FREM1: variants seen among roughly 807,000 people sequenced by gnomAD.
The protein encoded by FREM1 is FRAS1 related extracellular matrix 1, also known as FRAS1-related extracellular matrix protein 1.
FREM1 carries 220 observed loss-of-function variants against 210.1 expected under a neutral mutation model. That is an observed-to-expected ratio of 1.05 (90% CI 0.94 to 1.17). The LOEUF is 1.17. FREM1 is among the 50% of genes most tolerant of loss of function. The pLI is 0.00. For synonymous variants in FREM1, 1,189 were observed against 980.2 expected (o/e 1.21, Z -3.98); for missense variants, 3,454 against 2,675.5 (o/e 1.29, Z -6.42).
At chr9:14,820,025 C>T (rs1365127060) in intron 13 of FREM1, among the ~76,000 whole-genome samples, 2 of 152,150 alleles carry the variant, frequency 1.3e-5, no homozygotes, top group Non-Finnish European at 2.9e-5. Context: ...AATATTAAAG[C>T]CACAAAGATA....
intron 4 of FREM1, 95 bp downstream of exon 4, chr9:14,859,088 T>C: frequency 9.7e-7 from 1 of 1,028,316 alleles, no homozygotes; most frequent in Non-Finnish European, 1.4e-6. Flanking sequence ...AAATGACTAG[T>C]TAACTAGAAC....
chr9:14,800,979 G>C (rs898898736), intron 20 of FREM1, among the ~76,000 whole-genome samples: 4 of 151,946 alleles, frequency 2.6e-5, no homozygotes, highest in Non-Finnish European at 4.4e-5. Flanking sequence ...TTGTGAAATG[G>C]GTTTATTTTG....
At chr9:14,867,908 A>C (rs1434268239) in intron 2 of FREM1, among the ~76,000 whole-genome samples, 3 of 152,218 alleles carry the variant, frequency 2.0e-5, no homozygotes, top group East Asian at 3.9e-4. Context: ...AAACAGTGTT[A>C]GAGAATATAG....
intron 28 of FREM1, among the ~76,000 whole-genome samples, chr9:14,757,973 T>C (rs1052991653): frequency 2.6e-5 from 4 of 152,232 alleles, no homozygotes; most frequent in African/African-American, 9.6e-5. Context: ...TGCATGGTTC[T>C]TGCATGTCCA....
intron 13 of FREM1, among the ~76,000 whole-genome samples, chr9:14,820,267 G>T (rs1273654462): frequency 6.6e-6 from 1 of 152,152 alleles, no homozygotes; most frequent in East Asian, 1.9e-4. Context: ...TGCTAACTTT[G>T]TTTAACCTAT....
chr9:14,853,713 C>T (rs1474927690), intron 5 of FREM1, among the ~76,000 whole-genome samples: 1 of 152,172 alleles, frequency 6.6e-6, no homozygotes, highest in Non-Finnish European at 1.5e-5. Context: ...ACAATCAACC[C>T]CTTCCCTTCC....
chr9:14,777,176 A>G (rs919499719), intron 24 of FREM1, among the ~76,000 whole-genome samples: 1 of 152,260 alleles, frequency 6.6e-6, no homozygotes, highest in Non-Finnish European at 1.5e-5. Flanking sequence ...TGAGACAAGC[A>G]AAATCTTTCT....
chr9:14,884,994 G>A (rs1301947523), intron 1 of FREM1, among the ~76,000 whole-genome samples: 5 of 117,502 alleles, frequency 4.3e-5, no homozygotes, highest in African/African-American at 7.5e-5. Flanking sequence ...GTGCGATCTC[G>A]GCTCACTGCA....
chr9:14,750,556 C>A (rs1018869983), intron 29 of FREM1, among the ~76,000 whole-genome samples: 3 of 152,126 alleles, frequency 2.0e-5, no homozygotes, highest in Admixed American at 2.0e-4. Flanking sequence ...TAGATGAGAT[C>A]CAAGACTTAA....
chr9:14,867,265 A>G (rs537489990), intron 2 of FREM1, among the ~76,000 whole-genome samples: 49 of 152,300 alleles, frequency 3.2e-4, no homozygotes, highest in African/African-American at 1.2e-3. Context: ...GGGTTCTAGT[A>G]TGAGCAATCC....
chr9:14,853,721 T>A (rs1828184568), intron 5 of FREM1, among the ~76,000 whole-genome samples: 1 of 152,174 alleles, frequency 6.6e-6, no homozygotes, highest in Admixed American at 6.5e-5. Flanking sequence ...CCCCTTCCCT[T>A]CCCACTGCAT....
Position 14,884,645 on chromosome 9 carries a change from C to A in FREM1, c.-267-15401G>T, listed in dbSNP as rs971530937. Among the ~76,000 whole-genome samples the A allele has an allele frequency of 2.6e-5, 4 of 152,176 alleles. No homozygotes were observed. The South Asian group carries it at 8.3e-4, about 32-fold the overall frequency. The stretch of plus-strand genomic sequence containing the variant: ...TACACATTCAGCTTAACTATATGAG[C>A]ATGTATTCTTCATGTTGATATAAAC... On this transcript the variant is annotated intron_variant, in intron 1 of 36. Coordinates refer to ENST00000380880, the MANE Select transcript of FREM1 (RefSeq NM_001379081.2).
rs964804129 is a variant in FREM1 at position 14,740,228 on chromosome 9, C to A, written c.6261G>T (p.Leu2087=). ...TGGAGAATACAGTTACAAGGTTGCC[C>A]AGGTATCTAAATGCAAATGAAAATG... The part of the protein sequence containing the change: ...AAAQACREQY[L]GNLVTVFSRQ... Residue 2087 remains leucine, a synonymous_variant, in exon 36 of 37, where the codon CTG becomes CTT. Coordinates refer to ENST00000380880, the MANE Select transcript of FREM1 (RefSeq NM_001379081.2). The A allele has an allele frequency of 6.2e-7, 1 of 1,611,636 alleles. No individual in the cohort carries two copies. Among genetic ancestry groups the A allele is most frequent in the African/African-American group, 1.3e-5 (1 of 74,896 alleles).
intron 13 of FREM1, among the ~76,000 whole-genome samples, 168 bp from the exon 14 acceptor site, chr9:14,819,610 T>C (rs555566460): frequency 6.6e-6 from 1 of 152,264 alleles, no homozygotes; most frequent in African/African-American, 2.4e-5. Flanking sequence ...ACTGAAAAAT[T>C]TTTTTTTACT....
intron 24 of FREM1, among the ~76,000 whole-genome samples, chr9:14,780,666 A>G (rs1191741600): frequency 6.6e-6 from 1 of 152,122 alleles, no homozygotes; most frequent in African/African-American, 2.4e-5. Flanking sequence ...AAACTCCCCC[A>G]TTTAATTAAT....
chr9:14,750,840 G>C (rs1156698136), intron 29 of FREM1, among the ~76,000 whole-genome samples: 1 of 152,166 alleles, frequency 6.6e-6, no homozygotes, highest in East Asian at 1.9e-4. Context: ...TCCTCCTAGA[G>C]AGAATTTATG....
At chr9:14,785,500 G>A (rs1850282914) in intron 23 of FREM1, among the ~76,000 whole-genome samples, 2 of 152,072 alleles carry the variant, frequency 1.3e-5, no homozygotes, top group Admixed American at 6.6e-5. Context: ...ATTCATATCA[G>A]GATTATTCAC....
At chr9:14,843,193 G>A (rs970117232) in intron 8 of FREM1, among the ~76,000 whole-genome samples, 2 of 152,156 alleles carry the variant, frequency 1.3e-5, no homozygotes, top group African/African-American at 4.8e-5. Context: ...CTCTGACACT[G>A]GAGCTCCTGG....
At chr9:14,903,302 T>A (rs1839109427) in intron 1 of FREM1, among the ~76,000 whole-genome samples, 1 of 152,114 alleles carries the variant, frequency 6.6e-6, no homozygotes, top group Admixed American at 6.5e-5. Flanking sequence ...GAAGAAAATA[T>A]TAAAAGGAAA....
Sources: allele counts gnomAD v4.1 joint callset (sites outside exome capture counted in the v4.1 genomes callset), GRCh38; gene constraint gnomAD v4.1.1; transcripts MANE v1.5; gene names NCBI Gene and HGNC (gene_info 2026-07-23, HGNC 2026-07-21).